Variants in TJP1 observed in about 807,000 individuals in gnomAD.
TJP1 encodes the protein tight junction protein 1, also known as tight junction protein ZO-1.
TJP1 carries 43 observed loss-of-function variants against 194.2 expected under a neutral mutation model. The ratio of observed to expected loss-of-function variants is 0.22; its 90% confidence interval spans 0.17 to 0.29. TJP1 has a LOEUF of 0.29. Among genes scored for constraint, TJP1 ranks in the 10% least tolerant of loss-of-function variants. The pLI is 1.00. For synonymous variants in TJP1, 801 were observed against 779.0 expected, an observed-to-expected ratio of 1.03 and a Z score of -0.47; for missense variants, 1,971 against 2,185.7, an observed-to-expected ratio of 0.90 and a Z score of 1.96.
intron 2 of TJP1, among the ~76,000 whole-genome samples, chr15:29,833,313 T>C (rs2050893951): frequency 6.6e-6 from 1 of 152,206 alleles, no homozygotes; most frequent in Admixed American, 6.5e-5. Flanking sequence ...TTAATCTTAG[T>C]ATCATTAGCA....
At chr15:29,857,134 C>T (rs1364237701) in intron 2 of TJP1, among the ~76,000 whole-genome samples, 1 of 151,966 alleles carries the variant, frequency 6.6e-6, no homozygotes, top group Non-Finnish European at 1.5e-5. Context: ...CAAGGGACAA[C>T]TATACTATAA....
intron 2 of TJP1, among the ~76,000 whole-genome samples, chr15:29,862,670 C>G (rs1389931090): frequency 7.8e-6 from 1 of 127,904 alleles, no homozygotes; most frequent in Non-Finnish European, 1.6e-5. Flanking sequence ...TTTTTTGAGA[C>G]AGAGTCTCGC....
At chr15:29,802,280 A>G (rs1484576841) in intron 1 of TJP1, among the ~76,000 whole-genome samples, 2 of 152,208 alleles carry the variant, frequency 1.3e-5, no homozygotes, top group Non-Finnish European at 2.9e-5. Flanking sequence ...CATTAGCATC[A>G]TGAGAATATG....
intron 1 of TJP1, chr15:29,820,542 C>T (rs2050259800): frequency 2.8e-6 from 2 of 716,816 alleles, no homozygotes; most frequent in Non-Finnish European, 5.2e-6. Flanking sequence ...TGTGGCAATC[C>T]ATTGAAAACG....
chr15:29,939,993 G>A (rs1190677584), intron 2 of TJP1, among the ~76,000 whole-genome samples: 1 of 152,098 alleles, frequency 6.6e-6, no homozygotes. Flanking sequence ...CCATGCACTT[G>A]AATAACAAAC....
chr15:29,832,054 A>T (rs1281072090), intron 2 of TJP1, among the ~76,000 whole-genome samples: 1 of 152,174 alleles, frequency 6.6e-6, no homozygotes, highest in Non-Finnish European at 1.5e-5. Flanking sequence ...ATTGCCATAC[A>T]TTATTCCTGT....
chr15:29,882,572 A>C (rs2052974712), intron 2 of TJP1, among the ~76,000 whole-genome samples: 1 of 152,194 alleles, frequency 6.6e-6, no homozygotes, highest in South Asian at 2.1e-4. Flanking sequence ...GACAAAATTC[A>C]GTTTGTTATG....
chr15:29,956,373 AAG>A lies in TJP1; in HGVS notation c.174-11_174-10del, dbSNP rs1189077371. On this transcript the variant is annotated splice_polypyrimidine_tract_variant and intron_variant, in intron 1 of 28. Coordinates refer to the TJP1 transcript ENST00000356107. Reference sequence around the variant, plus strand: ...CAGAGGATGGCGTTACCCTGCAAGAAAGAAAAAAATTCTTAAAAAGGCAGGTT... The same window carrying A: ...CAGAGGATGGCGTTACCCTGCAAGAAAAAAAAATTCTTAAAAAGGCAGGTT... 5.5e-6 allele frequency: 7 copies of A among 1,284,240 alleles called. No individual in the cohort carries two copies. In the African/African-American group the frequency reaches 7.6e-5, roughly 14 times the overall value. The allele number at this position is 1,284,240 out of a possible 1,614,324, so 79.6% of individuals were successfully genotyped here. A position where few individuals can be genotyped will look rare whatever the true frequency, so the allele number is the denominator to read the frequency against.
At chr15:29,864,684 G>A (rs1473849430) in intron 2 of TJP1, among the ~76,000 whole-genome samples, 1 of 151,886 alleles carries the variant, frequency 6.6e-6, no homozygotes, top group Non-Finnish European at 1.5e-5. Flanking sequence ...TCTTTTTTGT[G>A]GTGCTGGCAT....
chr15:29,825,932 C>G (rs989320779), upstream of TJP1, among the ~76,000 whole-genome samples: 3 of 152,082 alleles, frequency 2.0e-5, no homozygotes, highest in Non-Finnish European at 4.4e-5. Flanking sequence ...CATAATGTTT[C>G]TAAATTTCAT....
At chr15:29,917,254 T>G (rs1159806432) in intron 2 of TJP1, among the ~76,000 whole-genome samples, 3 of 152,186 alleles carry the variant, frequency 2.0e-5, no homozygotes, top group African/African-American at 7.2e-5. Context: ...TAAGATAAAC[T>G]GAATCGCTAG....
chr15:29,732,836 T>G (rs769114076), intron 13 of TJP1, 21 bp from the exon 14 acceptor site: 2 of 1,555,154 alleles, frequency 1.3e-6, no homozygotes, highest in African/African-American at 2.8e-5. Context: ...AAGGAGAAAA[T>G]TAAAATAAGG....
intron 15 of TJP1, chr15:29,731,089 T>C (rs1272033839): frequency 1.5e-5 from 11 of 729,318 alleles, no homozygotes; most frequent in East Asian, 2.6e-5. Flanking sequence ...CTTTTTTTTT[T>C]TTTTTTTTAA....
chr15:29,891,967 T>C (rs1376494333), intron 2 of TJP1, among the ~76,000 whole-genome samples: 1 of 152,152 alleles, frequency 6.6e-6, no homozygotes, highest in Non-Finnish European at 1.5e-5. Flanking sequence ...AAACTAGAAA[T>C]GATTAAACTT....
chr15:29,803,457 A>C (rs928854808), intron 1 of TJP1, among the ~76,000 whole-genome samples: 2 of 152,156 alleles, frequency 1.3e-5, no homozygotes, highest in African/African-American at 2.4e-5. Flanking sequence ...AGCATGGTTA[A>C]GGTAGGCTGG....
chr15:29,746,203 T>A (rs748293049), intron 8 of TJP1, among the ~76,000 whole-genome samples: 1 of 151,976 alleles, frequency 6.6e-6, no homozygotes, highest in South Asian at 2.1e-4. Flanking sequence ...GGTGAAACCC[T>A]GTCTCTACTA....
intron 2 of TJP1, among the ~76,000 whole-genome samples, chr15:29,832,936 C>T (rs1404852304): frequency 6.6e-6 from 1 of 152,174 alleles, no homozygotes; most frequent in African/African-American, 2.4e-5. Context: ...TGTGAGAGGC[C>T]GCCTAGCTTT....
chr15:29,772,321 C>G, intron 3 of TJP1, among the ~76,000 whole-genome samples, 155 bp from the exon 4 acceptor site: 1 of 152,182 alleles, frequency 6.6e-6, no homozygotes, highest in East Asian at 1.9e-4. Flanking sequence ...TGTCAACTGA[C>G]TTACTTTCAG....
chr15:29,768,249 G>C (rs1021256378), intron 4 of TJP1, among the ~76,000 whole-genome samples: 1 of 152,164 alleles, frequency 6.6e-6, no homozygotes, highest in Non-Finnish European at 1.5e-5. Context: ...TGAAAAGGAG[G>C]ACAGCCAATG....
Sources: allele counts gnomAD v4.1 joint callset (sites outside exome capture counted in the v4.1 genomes callset), GRCh38; gene constraint gnomAD v4.1.1; transcripts MANE v1.5; gene names NCBI Gene and HGNC (gene_info 2026-07-23, HGNC 2026-07-21).